The following PNPLA7 variants were observed in gnomAD, a reference collection of about 807,000 sequenced individuals.
PNPLA7 encodes patatin-like phospholipase domain-containing protein 7.
A neutral mutation model predicts 161.7 loss-of-function variants in PNPLA7; 153 were observed. That is an observed-to-expected ratio of 0.95 (90% CI 0.83 to 1.08). The LOEUF (loss-of-function observed/expected upper bound fraction) is 1.08, where lower values mean the gene tolerates loss of function less well. Among genes scored for constraint, PNPLA7 ranks in the 50% least tolerant of loss-of-function variants. The pLI, the probability that PNPLA7 is intolerant of heterozygous loss-of-function variation, is 0.00. For synonymous variants in PNPLA7, 809 were observed against 782.1 expected (o/e 1.03, Z -0.57); for missense variants, 1,739 against 1,856.6 (o/e 0.94, Z 1.16).
intron 11 of PNPLA7, among the ~76,000 whole-genome samples, chr9:137,516,141 C>T (rs898871973): frequency 1.1e-5 from 1 of 93,414 alleles, no homozygotes; most frequent in Admixed American, 1.2e-4. Flanking sequence ...TGCCCCATTC[C>T]GAGGCCTTGC....
chr9:137,462,121 G>C, intron 31 of PNPLA7, 58 bp downstream of exon 31: 2 of 1,523,634 alleles, frequency 1.3e-6, no homozygotes, highest in Non-Finnish European at 1.8e-6. Flanking sequence ...GAAGCGAGGA[G>C]GGGCAGCCAC....
At chr9:137,518,420 A>C (rs1182086601) in intron 11 of PNPLA7, among the ~76,000 whole-genome samples, 1 of 43,156 alleles carries the variant, frequency 2.3e-5, no homozygotes, top group Non-Finnish European at 4.0e-5. Flanking sequence ...TGCTCACTCC[A>C]TCCCCCACTC....
intron 12 of PNPLA7, among the ~76,000 whole-genome samples, chr9:137,513,636 T>G (rs1262026426): frequency 6.6e-6 from 1 of 152,112 alleles, no homozygotes; most frequent in Non-Finnish European, 1.5e-5. Flanking sequence ...GGGTCCCTGT[T>G]GCGTGAAGGT....
chr9:137,530,585 C>A (rs954363532), intron 8 of PNPLA7, among the ~76,000 whole-genome samples: 1 of 152,220 alleles, frequency 6.6e-6, no homozygotes, highest in Non-Finnish European at 1.5e-5. Flanking sequence ...GCTTTATTTT[C>A]GGAGTTCTCC....
rs755276428 is a variant in PNPLA7, at chr9:137,498,220, C to T, written c.1783G>A (p.Val595Ile). The T allele has an allele frequency of 1.8e-5, 29 of 1,612,028 alleles. No homozygotes were observed. In the South Asian group the frequency reaches 1.9e-4, roughly 10 times the overall value. The change falls in exon 17 of 35, where the codon GTC becomes ATC. Residue 595 changes from valine (V) to isoleucine (I), a missense_variant. This residue lies in a region of PNPLA7 where 481 missense variants were observed against 450.0 expected (regional missense o/e 1.07). Coordinates refer to ENST00000406427, the MANE Select transcript of PNPLA7 (RefSeq NM_001098537.3). Reference protein sequence around the residue: ...YEIMRKQPTVVLGVAHTVVKR... With the variant: ...YEIMRKQPTVILGVAHTVVKR... ...ACCACAGTGTGCGCCACACCCAGGA[C>T]GACGGTCGGCTGCTTCCGCATGATT...
chr9:137,542,796 A>C lies in PNPLA7; in HGVS notation c.512T>G (p.Leu171Arg), dbSNP rs1179948286. ...VLYMLKNVRV[L>R]GHFEKPLFLE... ...GAACAGCGGCTTCTCAAAGTGGCCC[A>C]GGACCCTGCAAGAGCCAGAGGGCAC... The change falls in exon 7 of 35, where the codon CTG becomes CGG. Residue 171 changes from leucine (L) to arginine (R), a missense_variant. Physicochemically the swap from Leu to Arg is moderately radical, Grantham distance 102. Transcript: ENST00000406427. 1.2e-6 allele frequency: 2 copies of C among 1,611,334 alleles called. No individual in the cohort carries two copies. The highest frequency in any genetic ancestry group is 1.7e-5 in the Admixed American group (1 of 59,964).
rs982957761 is a variant in PNPLA7 at position 137,505,701 on chromosome 9, ACT to A, written c.1384_1385del (p.Thr464GlyfsTer2). 4 of 1,613,964 alleles carry A rather than the reference ACT, an allele frequency of 2.5e-6. No individual in the cohort carries two copies. Among genetic ancestry groups the A allele is most frequent in the Non-Finnish European group, 3.4e-6 (4 of 1,179,982 alleles). On this transcript the variant is annotated frameshift_variant, in exon 14 of 35. Coordinates refer to ENST00000406427, the MANE Select transcript of PNPLA7 (RefSeq NM_001098537.3). LOFTEE classifies it high-confidence loss of function. ...TGCTGGCCAGGGTCTCATCCGTGTG[ACT>A]CTCTGAGTGCTGGGAGACCGTGGAG... ...IPSTVSQHSESHTDETLASRK... is the reference protein window; with the variant it reads ...IPSTVSQHSEXHTDETLASRK...
chr9:137,506,821 C>T (rs796227004), intron 12 of PNPLA7, among the ~76,000 whole-genome samples: 3 of 152,268 alleles, frequency 2.0e-5, no homozygotes, highest in South Asian at 2.1e-4. Context: ...GACGGGGTCA[C>T]GCACTTCCAG....
chr9:137,519,802 ATG>A, intron 11 of PNPLA7, 113 bp downstream of exon 11: 3 of 1,364,966 alleles, frequency 2.2e-6, no homozygotes, highest in Non-Finnish European at 9.8e-7. Flanking sequence ...TGACCCGGGG[ATG>A]TGTGTGGTGG....
chr9:137,465,546 G>C (rs1046357517), intron 26 of PNPLA7, among the ~76,000 whole-genome samples: 9 of 152,330 alleles, frequency 5.9e-5, no homozygotes, highest in Middle Eastern at 6.8e-3. Flanking sequence ...GGGCCGTCCT[G>C]CTGCATGCCA....
intron 11 of PNPLA7, chr9:137,516,237 G>A (rs545658070): frequency 4.2e-4 from 355 of 854,264 alleles, no homozygotes; most frequent in African/African-American, 3.3e-3. Context: ...TTCTCAGGGC[G>A]TCCCATTGGT....
At chr9:137,510,725 C>T (rs190305516) in intron 12 of PNPLA7, among the ~76,000 whole-genome samples, 69 of 152,284 alleles carry the variant, frequency 4.5e-4, no homozygotes, top group Non-Finnish European at 8.5e-4. Flanking sequence ...CTCTCATCGC[C>T]GCACACAGGG....
rs369228103 is a variant in PNPLA7, at chr9:137,463,486, T to A, written c.3272A>T (p.Tyr1091Phe). Residue 1091 changes from tyrosine (Y) to phenylalanine (F), a missense_variant, in exon 29 of 35, where the codon TAC (tyrosine) becomes TTC (phenylalanine). By Grantham distance (22) the Tyr-to-Phe change is conservative. Transcript: ENST00000406427. ...CTTCGGGTCACAGAGAGGGGGCATG[T>A]AACCGGACAGGGACATGCTGGCACG... Reference protein sequence around the residue: ...YVRASMSLSGYMPPLCDPKDG... With the variant: ...YVRASMSLSGFMPPLCDPKDG... 8.8e-6 allele frequency: 14 copies of A among 1,591,452 alleles called. No individual in the cohort carries two copies. Among genetic ancestry groups the A allele is most frequent in the South Asian group, 5.7e-5 (5 of 87,660 alleles).
rs911623090 is a variant in PNPLA7 at position 137,543,308 on chromosome 9, G to A, written c.506+124C>T. On this transcript the variant is annotated intron_variant, in intron 6 of 34. Transcript: ENST00000406427. The surrounding 1 kb of genome is among the most constrained non-coding windows in gnomAD (Gnocchi z 6.9). ...CCGCCACGGGGCACAGACACCAGCA[G>A]CCCCACGATGCGCTTTGCCAACCAT... is the stretch of plus-strand genomic sequence containing the variant. The A allele has an allele frequency of 1.8e-5, 22 of 1,242,082 alleles. No homozygotes were observed. Among genetic ancestry groups the A allele is most frequent in the Non-Finnish European group, 2.4e-5 (21 of 871,808 alleles). 76.9% of individuals were successfully genotyped at this position (1,242,082 alleles called of 1,614,324 possible).
chr9:137,547,181 A>G lies in PNPLA7; in HGVS notation c.193+128T>C. On this transcript the variant is annotated intron_variant, in intron 3 of 34. Transcript: ENST00000406427. This position sits in a 1 kb window ranked among gnomAD's most constrained non-coding sequence, Gnocchi z 4.6. ...ACCGACGGGCTCAGCCTGAGCCCAG[A>G]CGGGCCATCAGATTCTAGCCAAAGC... The G allele has an allele frequency of 1.0e-6, 1 of 958,702 alleles. No individual in the cohort carries two copies. The highest frequency in any genetic ancestry group is 2.4e-5 in the East Asian group (1 of 41,760). 59.4% of individuals were successfully genotyped at this position (958,702 alleles called of 1,614,324 possible).
chr9:137,478,046 C>T lies in PNPLA7; in HGVS notation c.2870G>A (p.Gly957Glu), dbSNP rs1400232083. The T allele has an allele frequency of 5.6e-6, 8 of 1,431,150 alleles. No homozygotes were observed. Among genetic ancestry groups the T allele is most frequent in the Non-Finnish European group, 7.3e-6 (8 of 1,089,006 alleles). The allele number at this position is 1,431,150 out of a possible 1,614,324, so 88.7% of individuals were successfully genotyped here. The part of the protein sequence containing the change: ...TGNAIALVLG[G>E]GGARGCAQVG... ...CGGGGGGACTCACCTTGCTCCCCCTCCCCCAAGCACCAGGGCAATGGCGTT... is the reference window on the plus strand; with the variant it reads ...CGGGGGGACTCACCTTGCTCCCCCTTCCCCAAGCACCAGGGCAATGGCGTT... The change falls in exon 25 of 35, where the codon GGA (glycine) becomes GAA (glutamate). Residue 957 changes from glycine to glutamate, a missense_variant. This residue lies in a region of PNPLA7 where 703 missense variants were observed against 694.6 expected (regional missense o/e 1.01). Transcript: ENST00000406427.
Position 137,500,596 on chromosome 9 carries a change from G to T in PNPLA7, c.1757+95C>A. ...GGGGAGCCCGAGAAGCAGGGAAGAG[G>T]GTGAGAGCACCAGGAAGAGGCCGGC... On this transcript the variant is annotated intron_variant, in intron 16 of 34. Coordinates refer to ENST00000406427, the MANE Select transcript of PNPLA7 (RefSeq NM_001098537.3). The surrounding 1 kb of genome is among the most constrained non-coding windows in gnomAD (Gnocchi z 5.5). The T allele has an allele frequency of 8.6e-7, 1 of 1,161,776 alleles. No individual in the cohort carries two copies. The highest frequency in any genetic ancestry group is 1.2e-6 in the Non-Finnish European group (1 of 808,170). 72.0% of individuals were successfully genotyped at this position (1,161,776 alleles called of 1,614,324 possible).
At position 137,461,921 on chromosome 9, in the gene PNPLA7, C is replaced by T. The variant is rs760068930; in HGVS notation, c.3756+10G>A. The T allele has an allele frequency of 3.2e-6, 5 of 1,553,254 alleles. No individual in the cohort carries two copies. The highest frequency in any genetic ancestry group is 4.3e-6 in the Non-Finnish European group (5 of 1,154,784). ...GGGGAGCTGGGCGTGGTCCGGACGC[C>T]CGTACTCACCGCACTCGCGGGCTTC... is the stretch of plus-strand genomic sequence containing the variant. On this transcript the variant is annotated intron_variant, in intron 32 of 34. Transcript: ENST00000406427.
Position 137,546,857 on chromosome 9 carries a change from CAT to C in PNPLA7, c.244_245del (p.Met82ValfsTer69). 1 of 1,613,958 alleles carries C rather than the reference CAT, an allele frequency of 6.2e-7. No individual in the cohort carries two copies. Among genetic ancestry groups the C allele is most frequent in the South Asian group, 1.1e-5 (1 of 91,090 alleles). Reference sequence around the variant, plus strand: ...TCCTCATGATCTTCCGGCCGTAAAACATCACTTTGTCTCTCTTCCGGAACCGG... The same window carrying C: ...TCCTCATGATCTTCCGGCCGTAAAACCACTTTGTCTCTCTTCCGGAACCGG... ...QYRFRKRDKV[M>X]FYGRKIMRKV... On this transcript the variant is annotated frameshift_variant, in exon 4 of 35. Coordinates refer to ENST00000406427, the MANE Select transcript of PNPLA7 (RefSeq NM_001098537.3). LOFTEE classifies it high-confidence loss of function.
Sources: gnomAD v4.1 joint callset for allele counts (sites outside exome capture counted in the v4.1 genomes callset) on GRCh38, gnomAD v4.1.1 for gene constraint, gnomAD v4.1.1 regional missense constraint, Gnocchi (gnomAD v3.1) non-coding constraint, MANE v1.5 for transcripts, NCBI Gene and HGNC (gene_info 2026-07-23, HGNC 2026-07-21) for gene names.